CHL1: variants seen among roughly 807,000 people sequenced by gnomAD.
CHL1 encodes neural cell adhesion molecule L1-like protein.
A neutral mutation model predicts 141.9 loss-of-function variants in CHL1; 96 were observed. That is an observed-to-expected ratio of 0.68 (90% CI 0.57 to 0.80). The LOEUF is 0.80. Ranked by LOEUF, CHL1 falls within the 30% of genes least tolerant of loss-of-function variation. CHL1 has a pLI of 0.00. For missense variants in CHL1, 1,820 were observed against 1,457.2 expected, an observed-to-expected ratio of 1.25 and a Z score of -4.05; for synonymous variants, 613 against 502.2, an observed-to-expected ratio of 1.22 and a Z score of -2.95.
chr3:359,838 C>G (rs550434047), intron 11 of CHL1, among the ~76,000 whole-genome samples: 2 of 152,088 alleles, frequency 1.3e-5, no homozygotes, highest in African/African-American at 2.4e-5. Flanking sequence ...AGAACTGAAA[C>G]GGGAACAAAA....
chr3:375,099 T>C (rs926662957), intron 15 of CHL1, among the ~76,000 whole-genome samples: 2 of 152,194 alleles, frequency 1.3e-5, no homozygotes, highest in African/African-American at 4.8e-5. Flanking sequence ...CCAATAATAC[T>C]ATTAGGTAGA....
chr3:292,500 C>T (rs1177708822), intron 2 of CHL1, among the ~76,000 whole-genome samples: 4 of 152,184 alleles, frequency 2.6e-5, no homozygotes, highest in Middle Eastern at 6.8e-3. Context: ...TTAATATAGC[C>T]AATATAATTA....
chr3:231,190 G>A (rs1701819072), intron 1 of CHL1, among the ~76,000 whole-genome samples: 1 of 152,122 alleles, frequency 6.6e-6, no homozygotes, highest in Non-Finnish European at 1.5e-5. Context: ...CCTGGGAGGA[G>A]AAAGACAATG....
At chr3:264,120 T>C (rs180748517) in intron 2 of CHL1, among the ~76,000 whole-genome samples, 30 of 152,338 alleles carry the variant, frequency 2.0e-4, no homozygotes, top group African/African-American at 7.0e-4. Flanking sequence ...GGATAACCAA[T>C]TAGTAGTTAA....
rs546472114 is a variant in CHL1, at chr3:386,347, A to G, written c.2247+2461A>G. Among the ~76,000 whole-genome samples the G allele has an allele frequency of 9.8e-5, 15 of 152,300 alleles. No homozygotes were observed. In the South Asian group the frequency reaches 3.1e-3, roughly 32 times the overall value. ...CATTAAACATGATTCAATTTAAAGT[A>G]ACATTACAATTTAACTTAATGGTAG... On this transcript the variant is annotated intron_variant, in intron 19 of 27. Transcript: ENST00000256509.
At chr3:210,692 C>G (rs997329167) in intron 1 of CHL1, among the ~76,000 whole-genome samples, 4 of 152,186 alleles carry the variant, frequency 2.6e-5, no homozygotes, top group African/African-American at 9.7e-5. Flanking sequence ...GAAAGACATG[C>G]TAATTAACAG....
intron 15 of CHL1, among the ~76,000 whole-genome samples, chr3:368,503 A>G (rs1705193260): frequency 6.6e-6 from 1 of 152,208 alleles, no homozygotes; most frequent in South Asian, 2.1e-4. Context: ...GACCTTTGTC[A>G]GATGGGTAGT....
chr3:274,875 TG>T (rs1336475485), intron 2 of CHL1, among the ~76,000 whole-genome samples: 1 of 152,248 alleles, frequency 6.6e-6, no homozygotes, highest in Non-Finnish European at 1.5e-5. Flanking sequence ...TGTTGCTTTC[TG>T]TATATACTAC....
chr3:248,630 T>G (rs1693401895), intron 2 of CHL1: 1 of 152,140 alleles, frequency 6.6e-6, no homozygotes, highest in African/African-American at 2.4e-5. Flanking sequence ...TTTTTGTTTG[T>G]AAGATTTTAA....
chr3:384,022 C>A (rs967877345), intron 19 of CHL1, 136 bp downstream of exon 19: 6 of 550,760 alleles, frequency 1.1e-5, no homozygotes, highest in African/African-American at 9.4e-5. Flanking sequence ...ACTTGTGAGT[C>A]ATCATCACAA....
At chr3:307,871 C>G (rs771572478) in intron 2 of CHL1, among the ~76,000 whole-genome samples, 1 of 152,132 alleles carries the variant, frequency 6.6e-6, no homozygotes, top group African/African-American at 2.4e-5. Context: ...ATTCAGTAGC[C>G]TCTACATTAC....
At chr3:286,864 G>C (rs924079402) in intron 2 of CHL1, among the ~76,000 whole-genome samples, 1 of 152,094 alleles carries the variant, frequency 6.6e-6, no homozygotes, top group East Asian at 1.9e-4. Flanking sequence ...AACTGTCATG[G>C]CACTGGTGGG....
chr3:286,756 G>A (rs2125320663), intron 2 of CHL1, among the ~76,000 whole-genome samples: 1 of 152,238 alleles, frequency 6.6e-6, no homozygotes, highest in South Asian at 2.1e-4. Flanking sequence ...GATTATTCAT[G>A]ATTTTCCAGG....
chr3:245,075 G>C (rs1349589482), intron 2 of CHL1, among the ~76,000 whole-genome samples: 1 of 152,154 alleles, frequency 6.6e-6, no homozygotes, highest in Non-Finnish European at 1.5e-5. Context: ...TGAAGTTTCA[G>C]TGAGAAAACC....
intron 1 of CHL1, among the ~76,000 whole-genome samples, chr3:206,439 C>G (rs1395235923): frequency 6.6e-6 from 1 of 151,744 alleles, no homozygotes; most frequent in Non-Finnish European, 1.5e-5. Context: ...GCACTCCAGC[C>G]TGGGTGACAG....
chr3:225,875 G>T (rs1485773137), intron 1 of CHL1, among the ~76,000 whole-genome samples: 1 of 151,856 alleles, frequency 6.6e-6, no homozygotes, highest in Non-Finnish European at 1.5e-5. Flanking sequence ...CAGGTGTGGT[G>T]GCAGGCACCT....
rs779992210 is a variant in CHL1 at position 377,696 on chromosome 3, G to A, written c.1752-122G>A. The stretch of plus-strand genomic sequence containing the variant: ...GGCATTCTCTAATCAAATTTGCATT[G>A]CATAAAGTCATCTTTCACTCTTAGA... On this transcript the variant is annotated intron_variant, in intron 15 of 27. Transcript: ENST00000256509. 3.3e-4 allele frequency: 267 copies of A among 811,244 alleles called. 1 individual carries two copies. Among genetic ancestry groups the A allele is most frequent in the Non-Finnish European group, 4.8e-4 (255 of 535,180 alleles). 50.3% of individuals were successfully genotyped at this position (811,244 alleles called of 1,614,324 possible). A position where few individuals can be genotyped will look rare whatever the true frequency, so the allele number is the denominator to read the frequency against.
chr3:406,033 G>A lies in CHL1; in HGVS notation c.*322G>A, dbSNP rs73105084. 242 of 259,386 alleles carry A rather than the reference G, an allele frequency of 9.3e-4. No individual in the cohort carries two copies. The highest frequency in any genetic ancestry group is 4.8e-3 in the African/African-American group (214 of 44,164). 16.1% of individuals were successfully genotyped at this position (259,386 alleles called of 1,614,324 possible). A position where few individuals can be genotyped will look rare whatever the true frequency, so the allele number is the denominator to read the frequency against. On this transcript the variant is annotated 3_prime_UTR_variant, in exon 28 of 28. Coordinates refer to ENST00000256509, the MANE Select transcript of CHL1 (RefSeq NM_006614.4). ...CATATTTGCCTGATTTTACTATTCG[G>A]TGTGTTTGCATAGATGTTGCTACTT...
intron 15 of CHL1, among the ~76,000 whole-genome samples, chr3:372,074 A>T (rs1705709157): frequency 6.6e-6 from 1 of 151,798 alleles, no homozygotes. Flanking sequence ...GAATCTGATG[A>T]TTATGTGTCT....
Sources: allele counts gnomAD v4.1 joint callset (sites outside exome capture counted in the v4.1 genomes callset), GRCh38; gene constraint gnomAD v4.1.1; transcripts MANE v1.5; gene names NCBI Gene and HGNC (gene_info 2026-07-23, HGNC 2026-07-21).